Variants in MSH3 observed in about 807,000 individuals in gnomAD.
MSH3 encodes DNA mismatch repair protein Msh3.
MSH3 carries 106 observed loss-of-function variants against 123.3 expected under a neutral mutation model. The observed-to-expected ratio is 0.86, with a 90% CI of 0.73 to 1.01. The LOEUF (loss-of-function observed/expected upper bound fraction) is 1.01, where lower values mean the gene tolerates loss of function less well. Ranked by LOEUF, MSH3 falls within the 50% of genes least tolerant of loss-of-function variation. MSH3 has a pLI of 0.00. For missense variants in MSH3, 1,459 were observed against 1,347.6 expected, an observed-to-expected ratio of 1.08 and a Z score of -1.29; for synonymous variants, 515 against 481.4, an observed-to-expected ratio of 1.07 and a Z score of -0.91.
At chr5:80,809,983 G>A (rs371642990) in intron 19 of MSH3, among the ~76,000 whole-genome samples, 12 of 151,768 alleles carry the variant, frequency 7.9e-5, no homozygotes, top group African/African-American at 1.7e-4. Flanking sequence ...CACAAATGTC[G>A]TAGAGATTGA....
At chr5:80,848,096 A>C (rs1184710884) in intron 20 of MSH3, among the ~76,000 whole-genome samples, 1 of 152,166 alleles carries the variant, frequency 6.6e-6, no homozygotes, top group South Asian at 2.1e-4. Flanking sequence ...AAAATTAGCC[A>C]GGCATGCCTG....
At chr5:80,846,711 C>G (rs1037997622) in intron 20 of MSH3, among the ~76,000 whole-genome samples, 6 of 152,254 alleles carry the variant, frequency 3.9e-5, no homozygotes, top group Admixed American at 3.9e-4. Flanking sequence ...GGGCGTGAGA[C>G]CTGGTGAGCC....
chr5:80,760,622 G>A (rs1744015540), intron 12 of MSH3, among the ~76,000 whole-genome samples: 3 of 152,172 alleles, frequency 2.0e-5, no homozygotes, highest in Admixed American at 6.6e-5. Flanking sequence ...ATTAGCCAAG[G>A]TAATGCAAGC....
chr5:80,815,531 G>A (rs1044666907), intron 20 of MSH3, among the ~76,000 whole-genome samples: 4 of 152,154 alleles, frequency 2.6e-5, no homozygotes, highest in Non-Finnish European at 5.9e-5. Flanking sequence ...GGCTGGAGGT[G>A]GGTAGCTACT....
At chr5:80,787,523 A>G (rs745974061) in intron 17 of MSH3, 42 bp from the exon 18 acceptor site, 2 of 1,249,206 alleles carry the variant, frequency 1.6e-6, no homozygotes, top group East Asian at 4.6e-5. Context: ...GGTTTAAGAT[A>G]TCAGTTTGCT....
At chr5:80,694,615 T>C (rs1750427767) in intron 8 of MSH3, among the ~76,000 whole-genome samples, 1 of 152,134 alleles carries the variant, frequency 6.6e-6, no homozygotes, top group Non-Finnish European at 1.5e-5. Context: ...TTTTTCCTTT[T>C]TGTTTAGAGA....
At chr5:80,764,516 ATTT>A (rs575667262) in intron 13 of MSH3, among the ~76,000 whole-genome samples, 1 of 128,816 alleles carries the variant, frequency 7.8e-6, no homozygotes, top group Non-Finnish European at 1.7e-5. Context: ...ATGCCCAGCT[ATTT>A]TTTTTTTTTT....
At chr5:80,662,517 G>A (rs56357417) in intron 2 of MSH3, among the ~76,000 whole-genome samples, 41,050 of 151,784 alleles carry the variant, frequency 0.27, 5,758 homozygotes, top group Middle Eastern at 0.35. Context: ...TAAAATATAG[G>A]GACAAATCTC....
At chr5:80,671,382 T>A (rs1425830044) in intron 4 of MSH3, among the ~76,000 whole-genome samples, 1 of 152,174 alleles carries the variant, frequency 6.6e-6, no homozygotes, top group Non-Finnish European at 1.5e-5. Flanking sequence ...CTTTTTTTCT[T>A]CAAGTTTCCT....
In MSH3 at chr5:80,741,466, A is replaced by C. The variant is rs55724159; in HGVS notation, c.1571A>C (p.Asn524Thr). Reference protein sequence around the residue: ...NLEKMLSKPENFKQLSSKMEF... With the variant: ...NLEKMLSKPETFKQLSSKMEF... ...AATTATATTTGATTCTTTTACAGGA[A>C]TTTTAAACAGCTATCAAGTAAAATG... The change falls in exon 11 of 24, where the codon AAT becomes ACT. Residue 524 changes from asparagine to threonine, a missense_variant and splice_region_variant. By Grantham distance (65) the Asn-to-Thr change is moderately conservative (BLOSUM62 0). Coordinates refer to ENST00000265081, the MANE Select transcript of MSH3 (RefSeq NM_002439.5). 577 of 1,564,696 alleles carry C rather than the reference A, an allele frequency of 3.7e-4. 3 individuals are homozygous for C. In the African/African-American group the frequency reaches 6.8e-3, roughly 18 times the overall value.
At chr5:80,665,749 C>T (rs1749555242) in intron 3 of MSH3, among the ~76,000 whole-genome samples, 1 of 152,174 alleles carries the variant, frequency 6.6e-6, no homozygotes, top group East Asian at 1.9e-4. Flanking sequence ...TTTGAGGTTT[C>T]AGTTGAAAGC....
Position 80,778,743 on chromosome 5 carries a change from A to G in MSH3, c.2342A>G (p.His781Arg). 1 of 1,611,590 alleles carries G rather than the reference A, an allele frequency of 6.2e-7. No individual in the cohort carries two copies. Among genetic ancestry groups the G allele is most frequent in the South Asian group, 1.1e-5 (1 of 91,012 alleles). ...VGSTKAVSRFHSPFIVENYRH... is the reference protein window; with the variant it reads ...VGSTKAVSRFRSPFIVENYRH... ...AGCACAAAAGCTGTGAGCCGCTTTC[A>G]CTCTCCTTTTATTGTAGAAAATTAC... is the stretch of plus-strand genomic sequence containing the variant. Residue 781 changes from histidine (H) to arginine (R), a missense_variant, in exon 17 of 24, where the codon CAC becomes CGC. Coordinates refer to ENST00000265081, the MANE Select transcript of MSH3 (RefSeq NM_002439.5).
intron 12 of MSH3, among the ~76,000 whole-genome samples, chr5:80,755,916 G>A (rs760633772): frequency 1.3e-5 from 2 of 152,118 alleles, no homozygotes; most frequent in Non-Finnish European, 2.9e-5. Flanking sequence ...TTAACCACAG[G>A]CCCTCCCTCA....
At chr5:80,758,318 G>C (rs994815543) in intron 12 of MSH3, among the ~76,000 whole-genome samples, 6 of 152,162 alleles carry the variant, frequency 3.9e-5, no homozygotes, top group African/African-American at 1.4e-4. Context: ...CACAAAATTT[G>C]TAACGATGTG....
chr5:80,654,951 T>C lies in MSH3; in HGVS notation c.224T>C (p.Leu75Pro), dbSNP rs1561429373. ...APPAPAFPPQ[L>P]PPHIATEIDR... The stretch of plus-strand genomic sequence containing the variant: ...CCAGCTCCCGCCTTCCCGCCCCAGC[T>C]GCCGCCGCACATAGTAGGTTCTGTC... The change falls in exon 1 of 24, where the codon CTG becomes CCG. Residue 75 changes from leucine to proline, a missense_variant. Transcript: ENST00000265081. The C allele has an allele frequency of 6.8e-7, 1 of 1,471,848 alleles. No individual in the cohort carries two copies. The highest frequency in any genetic ancestry group is 9.0e-7 in the Non-Finnish European group (1 of 1,115,142). The allele number at this position is 1,471,848 out of a possible 1,614,324, so 91.2% of individuals were successfully genotyped here. A position where few individuals can be genotyped will look rare whatever the true frequency, so the allele number is the denominator to read the frequency against.
intron 8 of MSH3, among the ~76,000 whole-genome samples, chr5:80,680,484 A>G (rs899708696): frequency 4.6e-5 from 7 of 151,626 alleles, no homozygotes; most frequent in Admixed American, 1.3e-4. Context: ...ACTGTTAAAC[A>G]TTTTGGCACA....
intron 20 of MSH3, among the ~76,000 whole-genome samples, chr5:80,824,339 C>G (rs1353873147): frequency 6.6e-6 from 1 of 151,952 alleles, no homozygotes; most frequent in South Asian, 2.1e-4. Flanking sequence ...ACCTCCCTCC[C>G]GGACGGGGCG....
At chr5:80,713,164 A>G (rs1750891166) in intron 8 of MSH3, among the ~76,000 whole-genome samples, 1 of 152,202 alleles carries the variant, frequency 6.6e-6, no homozygotes. Flanking sequence ...GTTTGTTCAC[A>G]GTTGAACATT....
chr5:80,740,525 T>C (rs1743593295), intron 10 of MSH3, among the ~76,000 whole-genome samples: 1 of 151,594 alleles, frequency 6.6e-6, no homozygotes, highest in Non-Finnish European at 1.5e-5. Flanking sequence ...ACCCATCTAA[T>C]TTTTGTATTT....
Sources: gnomAD v4.1 joint callset for allele counts (sites outside exome capture counted in the v4.1 genomes callset) on GRCh38, gnomAD v4.1.1 for gene constraint, MANE v1.5 for transcripts, NCBI Gene and HGNC (gene_info 2026-07-23, HGNC 2026-07-21) for gene names.